The following CD2AP variants were observed in gnomAD, a reference collection of about 807,000 sequenced individuals.
The protein encoded by CD2AP is CD2 associated protein.
In CD2AP, 46 loss-of-function variants were observed where a neutral mutation model predicts 85.1. The ratio of observed to expected loss-of-function variants is 0.54; its 90% CI spans 0.43 to 0.69. CD2AP has a LOEUF of 0.69. Among genes scored for constraint, CD2AP ranks in the 30% least tolerant of loss-of-function variants. CD2AP has a pLI of 0.00. For synonymous variants in CD2AP, 255 were observed against 252.9 expected, an observed-to-expected ratio of 1.01 and a Z score of -0.08; for missense variants, 769 against 729.5, an observed-to-expected ratio of 1.05 and a Z score of -0.62.
intron 4 of CD2AP, among the ~76,000 whole-genome samples, chr6:47,549,773 C>A (rs990957883): frequency 2.6e-5 from 4 of 152,070 alleles, no homozygotes; most frequent in Admixed American, 1.3e-4. Context: ...GCAAAAAGAA[C>A]AAATCTGGAG....
intron 11 of CD2AP, among the ~76,000 whole-genome samples, chr6:47,583,790 T>C (rs1472775234): frequency 6.6e-6 from 1 of 152,198 alleles, no homozygotes; most frequent in East Asian, 1.9e-4. Flanking sequence ...GGAGAGGGAT[T>C]ACCTGATAAT....
chr6:47,541,415 C>T (rs1000832586), intron 3 of CD2AP, among the ~76,000 whole-genome samples: 2 of 152,202 alleles, frequency 1.3e-5, no homozygotes, highest in South Asian at 2.1e-4. Flanking sequence ...TGAGCCTCCA[C>T]GTCCAGTCTG....
At chr6:47,482,570 G>A (rs1765472025) in intron 1 of CD2AP, among the ~76,000 whole-genome samples, 1 of 151,860 alleles carries the variant, frequency 6.6e-6, no homozygotes, top group Non-Finnish European at 1.5e-5. Context: ...AGTGGAGATG[G>A]GGTTTCACCG....
intron 4 of CD2AP, among the ~76,000 whole-genome samples, chr6:47,550,663 T>C (rs1423061493): frequency 1.3e-5 from 2 of 152,210 alleles, no homozygotes; most frequent in East Asian, 3.8e-4. Flanking sequence ...GAACTATCAC[T>C]TGATCCAGCA....
At chr6:47,567,643 TAG>T (rs1304910649) in intron 5 of CD2AP, among the ~76,000 whole-genome samples, 4 of 152,156 alleles carry the variant, frequency 2.6e-5, no homozygotes, top group African/African-American at 9.7e-5. Flanking sequence ...GAAGAAGTCA[TAG>T]ATTGAGATCC....
At position 47,606,185 on chromosome 6, in the gene CD2AP, A is replaced by G; in HGVS notation, c.1438A>G (p.Ile480Val). 10 of 1,594,790 alleles carry G rather than the reference A, an allele frequency of 6.3e-6. No individual in the cohort carries two copies. The highest frequency in any genetic ancestry group is 8.6e-6 in the Non-Finnish European group (10 of 1,162,716). ...TCTAGATGTTGTAAATTTTGATGAC[A>G]TAGCTTCCTCAGAAAACTTGCTTCA... ...KETDVVNFDD[I>V]ASSENLLHLT... is the part of the protein sequence containing the mutation. Residue 480 changes from isoleucine to valine, a missense_variant, in exon 14 of 18, where the codon ATA (isoleucine) becomes GTA (valine). Transcript: ENST00000359314.
chr6:47,548,962 A>G (rs1393184899), intron 4 of CD2AP, among the ~76,000 whole-genome samples: 1 of 152,234 alleles, frequency 6.6e-6, no homozygotes, highest in Non-Finnish European at 1.5e-5. Context: ...TCACATGATC[A>G]TCTCAATAGA....
At chr6:47,610,972 T>TATATATATATATATATAAA (rs1491427733) in intron 16 of CD2AP, among the ~76,000 whole-genome samples, 2 of 56,360 alleles carry the variant, frequency 3.5e-5, no homozygotes, top group African/African-American at 8.3e-5. Context: ...TATATATGTA[T>TATATATATATATATATAAA]TTTTTTTTTT....
rs1769918145 is a variant in CD2AP at position 47,626,691 on chromosome 6, G to A, written c.*2464G>A. On this transcript the variant is annotated 3_prime_UTR_variant, in exon 18 of 18. Coordinates refer to ENST00000359314, the MANE Select transcript of CD2AP (RefSeq NM_012120.3). Reference sequence around the variant, plus strand: ...AGAGAACAGGCCTTGTGTAACAGAAGATACTCTTTTTTATGCTCCTTACTG... The same window carrying A: ...AGAGAACAGGCCTTGTGTAACAGAAAATACTCTTTTTTATGCTCCTTACTG... 1 of 152,384 alleles carries A rather than the reference G, an allele frequency of 6.6e-6. No homozygotes were observed. The highest frequency in any genetic ancestry group is 1.5e-5 in the Non-Finnish European group (1 of 67,854). 9.4% of individuals were successfully genotyped at this position (152,384 alleles called of 1,614,324 possible).
intron 5 of CD2AP, among the ~76,000 whole-genome samples, chr6:47,555,359 GT>G (rs1192574318): frequency 6.6e-5 from 10 of 151,744 alleles, no homozygotes; most frequent in African/African-American, 2.4e-4. Flanking sequence ...AGTTTTTTTT[GT>G]TTTCCAAAAG....
At chr6:47,492,678 G>C (rs1765765361) in intron 1 of CD2AP, among the ~76,000 whole-genome samples, 1 of 152,086 alleles carries the variant, frequency 6.6e-6, no homozygotes, top group Non-Finnish European at 1.5e-5. Context: ...TTTAATAAAT[G>C]TAAGGTCTGT....
chr6:47,607,763 GT>G (rs1447728922), intron 14 of CD2AP, 163 bp from the exon 15 acceptor site: 1 of 557,106 alleles, frequency 1.8e-6, no homozygotes, highest in Non-Finnish European at 3.2e-6. Context: ...ATGCAAATGT[GT>G]TATTCAGCTT....
chr6:47,496,458 A>G (rs563935824), intron 1 of CD2AP, among the ~76,000 whole-genome samples: 3 of 152,262 alleles, frequency 2.0e-5, no homozygotes, highest in Admixed American at 1.3e-4. Flanking sequence ...ATTTAACCCT[A>G]TTTACCATAT....
intron 2 of CD2AP, among the ~76,000 whole-genome samples, chr6:47,514,231 T>G (rs1437764711): frequency 6.6e-6 from 1 of 152,208 alleles, no homozygotes; most frequent in Admixed American, 6.5e-5. Flanking sequence ...TTAGTATGAT[T>G]AAATGTTTTT....
chr6:47,623,096 T>C (rs1302882790), intron 17 of CD2AP, among the ~76,000 whole-genome samples: 1 of 152,214 alleles, frequency 6.6e-6, no homozygotes, highest in Admixed American at 6.5e-5. Context: ...CCAGTGCTGC[T>C]AAAACATTGA....
chr6:47,477,962 C>T lies in CD2AP; in HGVS notation c.-283C>T. ...GGGAGCGGCCAGGGTGGGAAAACCG[C>T]GGTCGGGCGGGCGGGGTAGGGCCCT... On this transcript the variant is annotated 5_prime_UTR_variant, in exon 1 of 18. Coordinates refer to ENST00000359314, the MANE Select transcript of CD2AP (RefSeq NM_012120.3). 1 of 520,750 alleles carries T rather than the reference C, an allele frequency of 1.9e-6. No individual in the cohort carries two copies. The highest frequency in any genetic ancestry group is 2.3e-5 in the South Asian group (1 of 43,716). The allele number at this position is 520,750 out of a possible 1,614,324, so 32.3% of individuals were successfully genotyped here.
At chr6:47,601,989 A>T (rs1043319776) in intron 13 of CD2AP, among the ~76,000 whole-genome samples, 11 of 151,978 alleles carry the variant, frequency 7.2e-5, no homozygotes, top group Non-Finnish European at 1.5e-4. Flanking sequence ...CCTGACATGG[A>T]AGTTATTACA....
At chr6:47,558,944 A>G (rs545429236) in intron 5 of CD2AP, among the ~76,000 whole-genome samples, 1 of 152,252 alleles carries the variant, frequency 6.6e-6, no homozygotes, top group Non-Finnish European at 1.5e-5. Flanking sequence ...CTATGAATCC[A>G]TCTAGAGCTG....
At chr6:47,569,525 C>T (rs1041157408) in intron 5 of CD2AP, among the ~76,000 whole-genome samples, 5 of 151,252 alleles carry the variant, frequency 3.3e-5, no homozygotes, top group African/African-American at 1.2e-4. Context: ...ATTTATCCCT[C>T]TAGGCTTTAC....
Sources: allele counts gnomAD v4.1 joint callset (sites outside exome capture counted in the v4.1 genomes callset), GRCh38; gene constraint gnomAD v4.1.1; transcripts MANE v1.5; gene names NCBI Gene and HGNC (gene_info 2026-07-23, HGNC 2026-07-21).